CA10: variants seen among roughly 807,000 people sequenced by gnomAD.
CA10 encodes carbonic anhydrase 10 (inactive).
In CA10, 14 loss-of-function variants were observed where a neutral mutation model predicts 44.2. The ratio of observed to expected loss-of-function variants is 0.32; its 90% CI spans 0.21 to 0.50. The LOEUF (loss-of-function observed/expected upper bound fraction) is 0.50, where lower values mean the gene tolerates loss of function less well. Ranked by LOEUF, CA10 falls within the 20% of genes least tolerant of loss-of-function variation. CA10 has a pLI of 0.99. For synonymous variants in CA10, 159 were observed against 141.6 expected, an observed-to-expected ratio of 1.12 and a Z score of -0.87; for missense variants, 350 against 409.7, an observed-to-expected ratio of 0.85 and a Z score of 1.26.
intron 1 of CA10, among the ~76,000 whole-genome samples, chr17:52,091,579 A>G (rs775291487): frequency 2.6e-5 from 4 of 152,210 alleles, no homozygotes; most frequent in Non-Finnish European, 5.9e-5. Flanking sequence ...CATGCATAAA[A>G]GATACATGTT....
At chr17:51,848,240 G>C (rs1185027774) in intron 3 of CA10, among the ~76,000 whole-genome samples, 1 of 152,172 alleles carries the variant, frequency 6.6e-6, no homozygotes, top group South Asian at 2.1e-4. Flanking sequence ...AGTCCATTCA[G>C]ATTCTGTCTT....
At chr17:52,060,062 G>T (rs954945563) in intron 2 of CA10, among the ~76,000 whole-genome samples, 1 of 152,088 alleles carries the variant, frequency 6.6e-6, no homozygotes, top group Non-Finnish European at 1.5e-5. Context: ...ATAGAAATAC[G>T]TGTCTTTTTA....
In CA10 at chr17:51,931,083, C is replaced by A; in HGVS notation, c.186G>T (p.Val62=). The A allele has an allele frequency of 6.2e-7, 1 of 1,613,632 alleles. No homozygotes were observed. Among genetic ancestry groups the A allele is most frequent in the East Asian group, 2.2e-5 (1 of 44,850 alleles). ...TGTTGACTGGCGACTGCCGTTTCCC[C>A]ACAGAGCAAAGATTCCAAGCTGAGT... The part of the protein sequence containing the change: ...LVNSAWNLCS[V]GKRQSPVNIE... Residue 62 remains valine, a synonymous_variant, in exon 3 of 9, where the codon GTG becomes GTT. Coordinates refer to ENST00000451037, the MANE Select transcript of CA10 (RefSeq NM_020178.5).
chr17:51,633,695 T>A (rs1293870054), intron 7 of CA10, 45 bp from the exon 8 acceptor site: 1 of 1,591,986 alleles, frequency 6.3e-7, no homozygotes, highest in Non-Finnish European at 8.6e-7. Flanking sequence ...TCCTCTTAAA[T>A]GCACTAGGGA....
At chr17:52,078,370 T>C (rs1987873003) in intron 1 of CA10, among the ~76,000 whole-genome samples, 1 of 152,184 alleles carries the variant, frequency 6.6e-6, no homozygotes, top group African/African-American at 2.4e-5. Flanking sequence ...TACCAAACCA[T>C]AAGCACATAC....
chr17:51,922,507 C>T (rs1191003439), intron 3 of CA10, among the ~76,000 whole-genome samples: 2 of 152,272 alleles, frequency 1.3e-5, no homozygotes, highest in Non-Finnish European at 2.9e-5. Flanking sequence ...TCTGTGAAAC[C>T]ATTGACAAAT....
At chr17:52,122,038 C>T (rs981461522) in intron 1 of CA10, among the ~76,000 whole-genome samples, 1 of 152,154 alleles carries the variant, frequency 6.6e-6, no homozygotes, top group Non-Finnish European at 1.5e-5. Flanking sequence ...TCCTTTTATG[C>T]ACACCTCAAT....
chr17:52,117,850 G>C (rs1346060004), intron 1 of CA10, among the ~76,000 whole-genome samples: 4 of 152,146 alleles, frequency 2.6e-5, no homozygotes, highest in African/African-American at 9.7e-5. Flanking sequence ...TTTAAAATTA[G>C]ATAAGATAAA....
At chr17:51,667,989 G>A (rs1331313823) in intron 4 of CA10, among the ~76,000 whole-genome samples, 2 of 152,180 alleles carry the variant, frequency 1.3e-5, no homozygotes, top group Non-Finnish European at 2.9e-5. Flanking sequence ...CAATCTCTCT[G>A]GGGCAGATTC....
At chr17:52,031,087 T>C (rs1259336618) in intron 2 of CA10, among the ~76,000 whole-genome samples, 1 of 152,090 alleles carries the variant, frequency 6.6e-6, no homozygotes, top group Non-Finnish European at 1.5e-5. Context: ...AATAGAGGTA[T>C]ACATCAAGGC....
chr17:51,935,382 T>C (rs1982825471), intron 2 of CA10, among the ~76,000 whole-genome samples: 1 of 152,116 alleles, frequency 6.6e-6, no homozygotes, highest in South Asian at 2.1e-4. Context: ...TGAGAGAAAA[T>C]GTAAATAAAG....
intron 4 of CA10, among the ~76,000 whole-genome samples, chr17:51,661,105 G>T (rs1597969215): frequency 2.0e-5 from 3 of 152,142 alleles, no homozygotes; most frequent in Admixed American, 2.0e-4. Flanking sequence ...GACATTCGTT[G>T]TGTGACTGAT....
intron 2 of CA10, among the ~76,000 whole-genome samples, chr17:51,974,497 AAAAC>A (rs1000000005): frequency 6.6e-5 from 10 of 152,070 alleles, no homozygotes; most frequent in African/African-American, 2.2e-4. Context: ...CATACAAACT[AAAAC>A]AAAACAAAAA....
chr17:51,789,250 A>G (rs1435568335), intron 3 of CA10, among the ~76,000 whole-genome samples: 1 of 152,150 alleles, frequency 6.6e-6, no homozygotes, highest in Non-Finnish European at 1.5e-5. Context: ...TTATGACCTC[A>G]GGAGATCCAC....
intron 1 of CA10, among the ~76,000 whole-genome samples, chr17:52,150,480 T>C (rs959184089): frequency 1.3e-5 from 2 of 152,218 alleles, no homozygotes; most frequent in African/African-American, 4.8e-5. Flanking sequence ...TGATGTATAA[T>C]GTATCCTCAA....
chr17:51,995,851 C>T (rs1474731692), intron 2 of CA10, among the ~76,000 whole-genome samples: 17 of 152,024 alleles, frequency 1.1e-4, no homozygotes, highest in Non-Finnish European at 5.9e-5. Flanking sequence ...TCACATATTA[C>T]ATTTCTTCTT....
At chr17:51,979,970 G>T (rs767213989) in intron 2 of CA10, among the ~76,000 whole-genome samples, 2 of 152,108 alleles carry the variant, frequency 1.3e-5, no homozygotes, top group Non-Finnish European at 2.9e-5. Flanking sequence ...TTGCTATTGT[G>T]AATAGTGCTG....
At chr17:51,653,864 T>G in intron 4 of CA10, 128 bp from the exon 5 acceptor site, 1 of 651,512 alleles carries the variant, frequency 1.5e-6, no homozygotes, top group Non-Finnish European at 2.8e-6. Flanking sequence ...ACAATTTTAA[T>G]TGAAGGGATT....
chr17:52,112,588 G>A (rs1988809846), intron 1 of CA10, among the ~76,000 whole-genome samples: 1 of 152,108 alleles, frequency 6.6e-6, no homozygotes, highest in South Asian at 2.1e-4. Flanking sequence ...TATTAGCTGT[G>A]GTACTTTCAG....
Sources: allele counts gnomAD v4.1 joint callset (sites outside exome capture counted in the v4.1 genomes callset), GRCh38; gene constraint gnomAD v4.1.1; transcripts MANE v1.5; gene names NCBI Gene and HGNC (gene_info 2026-07-23, HGNC 2026-07-21).